NRIP1: variants seen among roughly 807,000 people sequenced by gnomAD.
NRIP1 encodes nuclear receptor-interacting protein 1.
Under a neutral mutation model 75.0 loss-of-function variants are expected in NRIP1, and 28 were observed. The ratio of observed to expected loss-of-function variants is 0.37; its 90% CI spans 0.28 to 0.51. The LOEUF is 0.51. Ranked by LOEUF, NRIP1 falls within the 20% of genes least tolerant of loss-of-function variation. The pLI is 0.92. For missense variants in NRIP1, 1,435 were observed against 1,343.7 expected, an observed-to-expected ratio of 1.07 and a Z score of -1.06; for synonymous variants, 526 against 487.6, an observed-to-expected ratio of 1.08 and a Z score of -1.04.
chr21:15,010,401 C>T (rs1379578625), intron 3 of NRIP1, among the ~76,000 whole-genome samples: 1 of 151,452 alleles, frequency 6.6e-6, no homozygotes, highest in African/African-American at 2.4e-5. Context: ...AAAAAAAAAC[C>T]TGAGTTGATA....
At chr21:15,065,561 C>T, upstream of NRIP1, among the ~76,000 whole-genome samples, 1 of 150,586 alleles carries the variant, frequency 6.6e-6, no homozygotes. Flanking sequence ...GGCCCCCTTT[C>T]ACCCACCCAC....
chr21:14,972,902 G>A (rs988426515), intron 3 of NRIP1, among the ~76,000 whole-genome samples: 1 of 152,192 alleles, frequency 6.6e-6, no homozygotes, highest in African/African-American at 2.4e-5. Context: ...AGGCGGTAAT[G>A]CTTGCTGGCC....
chr21:15,052,268 T>C (rs950544345), intron 1 of NRIP1: 3 of 152,206 alleles, frequency 2.0e-5, no homozygotes, highest in Non-Finnish European at 4.4e-5. Context: ...ATGGTGCTTC[T>C]GATTAATAGT....
intron 3 of NRIP1, among the ~76,000 whole-genome samples, chr21:15,013,764 A>G (rs762565696): frequency 5.3e-5 from 8 of 152,200 alleles, no homozygotes; most frequent in African/African-American, 1.9e-4. Context: ...CAATTACTTT[A>G]TCATTTCTCA....
At chr21:15,030,492 A>T (rs2088618256) in intron 2 of NRIP1, among the ~76,000 whole-genome samples, 1 of 152,178 alleles carries the variant, frequency 6.6e-6, no homozygotes, top group South Asian at 2.1e-4. Context: ...CAATAAAACA[A>T]GATATTTCAA....
At chr21:15,010,166 G>C (rs965113511) in intron 3 of NRIP1, among the ~76,000 whole-genome samples, 6 of 152,150 alleles carry the variant, frequency 3.9e-5, no homozygotes, top group African/African-American at 1.2e-4. Flanking sequence ...AAATGCATAA[G>C]CTCTGACGTT....
intron 3 of NRIP1, among the ~76,000 whole-genome samples, chr21:14,981,460 G>T (rs1714947597): frequency 6.6e-6 from 1 of 152,178 alleles, no homozygotes; most frequent in African/African-American, 2.4e-5. Context: ...AGTGACACAT[G>T]CTCCTTGGCA....
chr21:15,014,222 A>AG, intron 3 of NRIP1, 122 bp downstream of exon 3: 1 of 376,616 alleles, frequency 2.7e-6, no homozygotes, highest in Non-Finnish European at 4.7e-6. Context: ...TAACTTGCAC[A>AG]GATGAAGTAC....
chr21:14,973,800 C>T (rs1002783934), intron 3 of NRIP1, among the ~76,000 whole-genome samples: 1 of 151,432 alleles, frequency 6.6e-6, no homozygotes, highest in Non-Finnish European at 1.5e-5. Context: ...CCTCAGTCTC[C>T]CAAGCAGCCG....
intron 1 of NRIP1, chr21:15,050,930 C>T (rs1318546645): frequency 1.1e-5 from 5 of 455,696 alleles, no homozygotes; most frequent in Non-Finnish European, 2.2e-5. Context: ...AGCCTGTATA[C>T]CTATAACTTA....
chr21:15,020,201 A>G (rs1351781941), intron 2 of NRIP1, among the ~76,000 whole-genome samples: 1 of 152,168 alleles, frequency 6.6e-6, no homozygotes, highest in Non-Finnish European at 1.5e-5. Flanking sequence ...TAATCTCAAA[A>G]CATACTATAA....
At chr21:15,019,251 T>C (rs1305188934) in intron 2 of NRIP1, among the ~76,000 whole-genome samples, 2 of 149,880 alleles carry the variant, frequency 1.3e-5, no homozygotes, top group Admixed American at 6.7e-5. Context: ...ACTGAATGCT[T>C]TCCCCACCTA....
intron 3 of NRIP1, chr21:14,992,212 A>ATGTT (rs895376427): frequency 1.3e-5 from 2 of 151,856 alleles, no homozygotes; most frequent in East Asian, 1.9e-4. Context: ...CTAATTTTAC[A>ATGTT]TGTTTGTTTG....
intron 3 of NRIP1, among the ~76,000 whole-genome samples, chr21:14,987,280 A>G (rs2087431088): frequency 6.6e-6 from 1 of 152,218 alleles, no homozygotes; most frequent in African/African-American, 2.4e-5. Context: ...TAATGCTCAC[A>G]TAGCCTAGCC....
At chr21:15,021,285 GAAAGATATCTATATTGTATGATTCCAA>G (rs1270172786) in intron 2 of NRIP1, among the ~76,000 whole-genome samples, 1 of 152,118 alleles carries the variant, frequency 6.6e-6, no homozygotes, top group Non-Finnish European at 1.5e-5. Context: ...AGCTAAATAC[GAAAGATATCTATATTGTATGATTCCAA>G]AAAGATATCT....
At position 14,961,645 on chromosome 21, in the gene NRIP1, A is replaced by G. The variant is rs1270329929; in HGVS notation, c.*3071T>C. 1.3e-5 allele frequency: 2 copies of G among 152,438 alleles called. No homozygotes were observed. The highest frequency in any genetic ancestry group is 1.5e-5 in the Non-Finnish European group (1 of 67,906). The allele number at this position is 152,438 out of a possible 1,614,324, so 9.4% of individuals were successfully genotyped here. A position where few individuals can be genotyped will look rare whatever the true frequency, so the allele number is the denominator to read the frequency against. On this transcript the variant is annotated 3_prime_UTR_variant, in exon 4 of 4. Coordinates refer to ENST00000318948, the MANE Select transcript of NRIP1 (RefSeq NM_003489.4). ...TTAAACCACAGACGTCATGTCCAGA[A>G]ATGGAATACTGTCATGTTAGGATGA... is the stretch of plus-strand genomic sequence containing the variant.
At chr21:15,040,638 C>T (rs547335692) in intron 2 of NRIP1, among the ~76,000 whole-genome samples, 1 of 152,096 alleles carries the variant, frequency 6.6e-6, no homozygotes, top group South Asian at 2.1e-4. Flanking sequence ...GCCTGATTTG[C>T]TTCAAAATCC....
At chr21:14,990,934 TAGG>T (rs1438839727) in intron 3 of NRIP1, among the ~76,000 whole-genome samples, 1 of 152,144 alleles carries the variant, frequency 6.6e-6, no homozygotes, top group African/African-American at 2.4e-5. Context: ...AGGGTTACCC[TAGG>T]TCAGGTAAGG....
chr21:14,984,470 T>G (rs1279497871), intron 3 of NRIP1, among the ~76,000 whole-genome samples: 1 of 150,472 alleles, frequency 6.6e-6, no homozygotes, highest in Non-Finnish European at 1.5e-5. Flanking sequence ...GCCTGAGGAG[T>G]TGCTTCTTAC....
Sources: allele counts gnomAD v4.1 joint callset (sites outside exome capture counted in the v4.1 genomes callset), GRCh38; gene constraint gnomAD v4.1.1; transcripts MANE v1.5; gene names NCBI Gene and HGNC (gene_info 2026-07-23, HGNC 2026-07-21).